The following KIAA1217 variants were observed in gnomAD, a reference collection of about 807,000 sequenced individuals.
KIAA1217 encodes the protein KIAA1217, also known as sickle tail protein homolog.
Under a neutral mutation model 163.9 loss-of-function variants are expected in KIAA1217, and 88 were observed. The ratio of observed to expected loss-of-function variants is 0.54; its 90% CI spans 0.45 to 0.64. The LOEUF is 0.64. Among genes scored for constraint, KIAA1217 ranks in the 30% least tolerant of loss-of-function variants. The pLI is 0.00. For synonymous variants in KIAA1217, 903 were observed against 923.1 expected (o/e 0.98, Z 0.39); for missense variants, 2,372 against 2,475.0 (o/e 0.96, Z 0.88).
intron 2 of KIAA1217, among the ~76,000 whole-genome samples, chr10:24,259,788 T>A (rs1321032188): frequency 6.6e-6 from 1 of 152,152 alleles, no homozygotes; most frequent in Admixed American, 6.5e-5. Context: ...GGATCACTCC[T>A]CTCAGTCCTT....
intron 2 of KIAA1217, among the ~76,000 whole-genome samples, chr10:24,346,079 T>G (rs2047722386): frequency 6.6e-6 from 1 of 152,054 alleles, no homozygotes; most frequent in Non-Finnish European, 1.5e-5. Context: ...AGTGTTTGGG[T>G]TTTTCTATGT....
intron 3 of KIAA1217, among the ~76,000 whole-genome samples, chr10:24,423,499 G>A (rs144798603): frequency 0.012 from 1,761 of 151,990 alleles, 28 homozygotes; most frequent in African/African-American, 0.039. Context: ...TTGCTCTGTC[G>A]CCCAGGCTGA....
intron 2 of KIAA1217, among the ~76,000 whole-genome samples, chr10:24,188,183 C>CA (rs1254017453): frequency 2.7e-5 from 4 of 149,110 alleles, no homozygotes; most frequent in Admixed American, 6.7e-5. Flanking sequence ...GGTGACAGAG[C>CA]AAAAAAAAAG....
At chr10:24,336,428 C>T (rs367608102) in intron 2 of KIAA1217, among the ~76,000 whole-genome samples, 189 of 152,316 alleles carry the variant, frequency 1.2e-3, no homozygotes, top group African/African-American at 4.4e-3. Flanking sequence ...ACCTTTTCTA[C>T]AACATAAGCA....
At chr10:24,466,599 A>C in intron 5 of KIAA1217, 2 of 985,254 alleles carry the variant, frequency 2.0e-6, no homozygotes, top group Non-Finnish European at 2.4e-6. Context: ...TGAACACTCG[A>C]GCTGAGAAAC....
At chr10:24,189,876 C>T (rs2066632052) in intron 2 of KIAA1217, among the ~76,000 whole-genome samples, 1 of 151,984 alleles carries the variant, frequency 6.6e-6, no homozygotes, top group South Asian at 2.1e-4. Context: ...TAAAAATTAG[C>T]TGGGTATAGT....
rs111914625 is a variant in KIAA1217, at chr10:23,922,831, C to T, written c.-320-84394C>T. Among the ~76,000 whole-genome samples the T allele has an allele frequency of 4.7e-3, 719 of 152,206 alleles. 2 individuals carry two copies. The highest frequency in any genetic ancestry group is 0.017 in the African/African-American group (691 of 41,542). On this transcript the variant is annotated intron_variant, in intron 1 of 18. Coordinates refer to the KIAA1217 transcript ENST00000376462. Reference sequence around the variant, plus strand: ...GGCCTGAAATAAGGTAAAGGAAAACCTATCCAGAACTAGGCACACCAGCTA... The same window carrying T: ...GGCCTGAAATAAGGTAAAGGAAAACTTATCCAGAACTAGGCACACCAGCTA...
chr10:24,357,507 C>A (rs888253493), intron 2 of KIAA1217, among the ~76,000 whole-genome samples: 5 of 152,202 alleles, frequency 3.3e-5, no homozygotes, highest in African/African-American at 1.2e-4. Flanking sequence ...GCTATGCCAG[C>A]ACAAAGCTTA....
At chr10:23,979,892 CTT>C (rs1276876891) in intron 1 of KIAA1217, among the ~76,000 whole-genome samples, 1 of 152,012 alleles carries the variant, frequency 6.6e-6, no homozygotes. Flanking sequence ...TTTCTCATAT[CTT>C]TTGCTCTGCT....
Position 24,432,997 on chromosome 10 carries a change from G to T in KIAA1217, c.556G>T (p.Val186Phe), listed in dbSNP as rs1229304030. Residue 186 changes from valine (V) to phenylalanine (F), a missense_variant and splice_region_variant, in exon 4 of 21, where the codon GTT (valine) becomes TTT (phenylalanine). Val to Phe is a conservative substitution (Grantham distance 50). Coordinates refer to ENST00000376454, the MANE Select transcript of KIAA1217 (RefSeq NM_019590.5). ...TNQTKERSLG[V>F]LYLQYGDETK... is the part of the protein sequence containing the mutation. ...ATAACTGTTTCCTTTGTGTGCAGGGGTTCTCTATCTCCAGTATGGAGATGA... is the reference window on the plus strand; with the variant it reads ...ATAACTGTTTCCTTTGTGTGCAGGGTTTCTCTATCTCCAGTATGGAGATGA... 9 of 1,613,638 alleles carry T rather than the reference G, an allele frequency of 5.6e-6. No homozygotes were observed. The highest frequency in any genetic ancestry group is 4.5e-5 in the East Asian group (2 of 44,860).
At chr10:24,527,793 A>G in intron 13 of KIAA1217, 143 bp from the exon 14 acceptor site, 1 of 575,088 alleles carries the variant, frequency 1.7e-6, no homozygotes. Context: ...TTATTTCATC[A>G]CCCAGGTCTT....
At chr10:24,292,944 C>G (rs397881) in intron 2 of KIAA1217, among the ~76,000 whole-genome samples, 136,594 of 152,210 alleles carry the variant, frequency 0.9, 61,496 homozygotes, top group Admixed American at 0.92. Flanking sequence ...TAGTACTTCA[C>G]TTGCAGCACT....
rs183094952 is a variant in KIAA1217, at chr10:23,906,670, G to A, written c.-320-100555G>A. Among the ~76,000 whole-genome samples, 739 of 152,208 alleles carry A rather than the reference G, an allele frequency of 4.9e-3. 8 individuals carry two copies. Among genetic ancestry groups the A allele is most frequent in the African/African-American group, 0.016 (660 of 41,552 alleles). On this transcript the variant is annotated intron_variant, in intron 1 of 18. Transcript: ENST00000376462. The stretch of plus-strand genomic sequence containing the variant: ...CAACATGCATTTGGTTTTATGATTG[G>A]TGTGGGGTAAGGAGCCTGAGTGTGT...
intron 2 of KIAA1217, among the ~76,000 whole-genome samples, chr10:24,093,839 C>A (rs2131693751): frequency 7.3e-6 from 1 of 136,322 alleles, no homozygotes; most frequent in East Asian, 2.2e-4. Context: ...TGTGATGTTC[C>A]CCTTCCTGTG....
intron 3 of KIAA1217, among the ~76,000 whole-genome samples, chr10:24,419,978 G>T (rs918487590): frequency 6.6e-6 from 1 of 152,030 alleles, no homozygotes; most frequent in Non-Finnish European, 1.5e-5. Context: ...CTGTTCCAAT[G>T]TATCAATAAC....
At chr10:24,056,664 G>T (rs929946517) in intron 2 of KIAA1217, among the ~76,000 whole-genome samples, 1 of 152,042 alleles carries the variant, frequency 6.6e-6, no homozygotes, top group African/African-American at 2.4e-5. Context: ...ACAGATGAAG[G>T]TCCGAAAACA....
intron 1 of KIAA1217, among the ~76,000 whole-genome samples, chr10:23,820,078 T>A (rs1446328554): frequency 1.3e-5 from 2 of 152,220 alleles, no homozygotes; most frequent in East Asian, 1.9e-4. Context: ...ATTATTCAAC[T>A]TTTTATTACG....
At chr10:24,132,588 T>C (rs940480327) in intron 2 of KIAA1217, among the ~76,000 whole-genome samples, 1 of 150,086 alleles carries the variant, frequency 6.7e-6, no homozygotes, top group African/African-American at 2.5e-5. Flanking sequence ...ACCGGGATGT[T>C]AAATTGAAAA....
intron 1 of KIAA1217, among the ~76,000 whole-genome samples, chr10:23,757,580 T>C (rs1286490742): frequency 6.6e-6 from 1 of 152,088 alleles, no homozygotes; most frequent in Non-Finnish European, 1.5e-5. Flanking sequence ...TGCAGTGGCG[T>C]GATCTCAGTT....
Sources: gnomAD v4.1 joint callset for allele counts (sites outside exome capture counted in the v4.1 genomes callset) on GRCh38, gnomAD v4.1.1 for gene constraint, MANE v1.5 for transcripts, NCBI Gene and HGNC (gene_info 2026-07-23, HGNC 2026-07-21) for gene names.